DDX31: variants seen among roughly 807,000 people sequenced by gnomAD.
The protein encoded by DDX31 is DEAD-box helicase 31.
A neutral mutation model predicts 91.3 loss-of-function variants in DDX31; 70 were observed. The observed-to-expected ratio is 0.77, with a 90% CI of 0.63 to 0.94. The LOEUF is 0.94. Among genes scored for constraint, DDX31 ranks in the 40% least tolerant of loss-of-function variants. The probability of loss-of-function intolerance (pLI) is 0.00; values close to 1 mark genes in which losing one functional copy is unlikely to be tolerated. For missense variants in DDX31, 902 were observed against 925.0 expected (o/e 0.98, Z 0.32); for synonymous variants, 362 against 350.6 (o/e 1.03, Z -0.36).
intron 9 of DDX31, 26 bp from the exon 10 acceptor site, chr9:132,648,577 G>C: frequency 6.3e-7 from 1 of 1,590,436 alleles, no homozygotes; most frequent in Non-Finnish European, 8.5e-7. Context: ...TATCATAAAA[G>C]AAAGTAAATC....
chr9:132,610,069 G>A (rs951884899), intron 19 of DDX31, among the ~76,000 whole-genome samples: 3 of 152,084 alleles, frequency 2.0e-5, no homozygotes, highest in African/African-American at 7.2e-5. Context: ...GTTTCATTCC[G>A]CACTCAAATC....
At chr9:132,642,286 G>C (rs973042374) in intron 13 of DDX31, among the ~76,000 whole-genome samples, 28 of 152,106 alleles carry the variant, frequency 1.8e-4, no homozygotes, top group African/African-American at 6.0e-4. Context: ...GGCGCTTTGA[G>C]GGTGCATTTT....
chr9:132,669,451 G>A (rs1182689891), intron 1 of DDX31: 6 of 565,840 alleles, frequency 1.1e-5, no homozygotes, highest in African/African-American at 2.0e-5. Context: ...ACTCTTCCCA[G>A]ACAGGAATGT....
chr9:132,594,912 G>T lies in DDX31; in HGVS notation c.2195C>A (p.Thr732Asn). 6.2e-6 allele frequency: 10 copies of T among 1,614,056 alleles called. No homozygotes were observed. The highest frequency in any genetic ancestry group is 8.5e-6 in the Non-Finnish European group (10 of 1,180,028). The change falls in exon 20 of 20, where the codon ACC becomes AAC. Residue 732 changes from threonine (T) to asparagine (N), a missense_variant. Transcript: ENST00000372159. ...GRGKTLKWRKTQKGVQRDSKT... is the reference protein window; with the variant it reads ...GRGKTLKWRKNQKGVQRDSKT... Reference sequence around the variant, plus strand: ...GCTGTCCCGCTGTACACCTTTTTGGGTTTTTCTCCATTTTAATGTTTTCCC... The same window carrying T: ...GCTGTCCCGCTGTACACCTTTTTGGTTTTTTCTCCATTTTAATGTTTTCCC...
chr9:132,629,289 G>GC (rs1299310694), intron 16 of DDX31, among the ~76,000 whole-genome samples: 17 of 152,180 alleles, frequency 1.1e-4, no homozygotes, highest in African/African-American at 3.9e-4. Context: ...TATTATTTTG[G>GC]CCCCCTGACA....
At chr9:132,625,964 C>A (rs895231657) in intron 16 of DDX31, among the ~76,000 whole-genome samples, 2 of 152,134 alleles carry the variant, frequency 1.3e-5, no homozygotes, top group African/African-American at 4.8e-5. Context: ...TCTTTCCTCT[C>A]TGATGAATTT....
chr9:132,636,174 T>C (rs763705192), intron 14 of DDX31, among the ~76,000 whole-genome samples: 17 of 152,286 alleles, frequency 1.1e-4, no homozygotes, highest in South Asian at 4.1e-4. Flanking sequence ...ACTAAAAGTG[T>C]GTCAACCACC....
chr9:132,627,311 G>A (rs992022373), intron 16 of DDX31, among the ~76,000 whole-genome samples: 29 of 152,242 alleles, frequency 1.9e-4, no homozygotes, highest in Admixed American at 7.8e-4. Context: ...ACATGGCGAC[G>A]TCGGGGAACC....
chr9:132,639,255 C>T (rs1304670943), intron 14 of DDX31, among the ~76,000 whole-genome samples: 2 of 152,106 alleles, frequency 1.3e-5, no homozygotes, highest in Admixed American at 6.5e-5. Context: ...CGAGAGGAAG[C>T]GAAGAACTTC....
rs1164383586 is a variant in DDX31 at position 132,643,859 on chromosome 9, A to G, written c.1381-1796T>C. 2.6e-5 allele frequency among the ~76,000 whole-genome samples: 4 copies of G among 152,116 alleles called. No homozygotes were observed. The East Asian group carries it at 5.8e-4, about 22-fold the overall frequency. ...GAATCAAAATCAGAAAAAAATCAGA[A>G]AGTTCATAAAAGCTTATGAAACACC... On this transcript the variant is annotated intron_variant, in intron 13 of 19. Coordinates refer to ENST00000372159, the MANE Select transcript of DDX31 (RefSeq NM_022779.9).
intron 18 of DDX31, among the ~76,000 whole-genome samples, chr9:132,613,464 C>T (rs1450567389): frequency 3.3e-5 from 5 of 152,046 alleles, no homozygotes; most frequent in Non-Finnish European, 7.4e-5. Flanking sequence ...GAGGCCAAGT[C>T]GGGGGGATCA....
intron 4 of DDX31, 41 bp from the exon 5 acceptor site, chr9:132,659,821 C>T: frequency 1.3e-6 from 2 of 1,594,090 alleles, no homozygotes; most frequent in Non-Finnish European, 1.7e-6. Context: ...ACCTATATTA[C>T]CCAGTTACTG....
chr9:132,602,477 C>T (rs143537642), intron 19 of DDX31, among the ~76,000 whole-genome samples: 82 of 152,338 alleles, frequency 5.4e-4, no homozygotes, highest in African/African-American at 1.8e-3. Flanking sequence ...ACACAACAAC[C>T]CTACAGCACC....
Position 132,648,426 on chromosome 9 carries a change from G to C in DDX31, c.860+6C>G, listed in dbSNP as rs775355822. The C allele has an allele frequency of 1.9e-6, 3 of 1,612,824 alleles. No homozygotes were observed. The highest frequency in any genetic ancestry group is 2.5e-6 in the Non-Finnish European group (3 of 1,179,600). ...CTACCTGTTATCATCCTGGGACGAGGCTCACCTGTCTGCTTCATCAAACAC... is the reference window on the plus strand; with the variant it reads ...CTACCTGTTATCATCCTGGGACGAGCCTCACCTGTCTGCTTCATCAAACAC... On this transcript the variant is annotated splice_donor_region_variant and intron_variant, in intron 10 of 19. Transcript: ENST00000372159.
At chr9:132,660,695 A>G (rs1834879631) in intron 4 of DDX31, among the ~76,000 whole-genome samples, 1 of 152,238 alleles carries the variant, frequency 6.6e-6, no homozygotes. Flanking sequence ...AAAGTAAAAA[A>G]TCATTATGAA....
At chr9:132,628,728 G>A (rs1832547533) in intron 16 of DDX31, among the ~76,000 whole-genome samples, 1 of 152,218 alleles carries the variant, frequency 6.6e-6, no homozygotes, top group Non-Finnish European at 1.5e-5. Context: ...AACATCCAGA[G>A]AGCTGCGGCC....
Position 132,645,901 on chromosome 9 carries a change from C to T in DDX31, c.1374G>A (p.Glu458=), listed in dbSNP as rs1833801860. 4 of 1,612,294 alleles carry T rather than the reference C, an allele frequency of 2.5e-6. No individual in the cohort carries two copies. Among genetic ancestry groups the T allele is most frequent in the African/African-American group, 1.3e-5 (1 of 74,880 alleles). ...CAGGGAGATCAGTGCTCACCTCCTG[C>T]TCCATGCCGCCATGCAGCCGTAGGA... The part of the protein sequence containing the change: ...LKFLRLHGGM[E]QEERTAVFQE... The change falls in exon 13 of 20, where the codon GAG becomes GAA. Residue 458 remains glutamate (E), a synonymous_variant. Transcript: ENST00000372159.
intron 19 of DDX31, among the ~76,000 whole-genome samples, chr9:132,596,561 C>G (rs75965778): frequency 0.018 from 2,701 of 152,270 alleles, 74 homozygotes; most frequent in African/African-American, 0.062. Flanking sequence ...GATTCACATA[C>G]ACAATCTCTT....
chr9:132,635,369 C>T (rs1382320336), intron 14 of DDX31, among the ~76,000 whole-genome samples: 1 of 151,732 alleles, frequency 6.6e-6, no homozygotes, highest in Non-Finnish European at 1.5e-5. Context: ...TTCCTTCCAT[C>T]CATTTCACAG....
Sources: allele counts gnomAD v4.1 joint callset (sites outside exome capture counted in the v4.1 genomes callset), GRCh38; gene constraint gnomAD v4.1.1; transcripts MANE v1.5; gene names NCBI Gene and HGNC (gene_info 2026-07-23, HGNC 2026-07-21).